DCUN1D2: variants seen among roughly 807,000 people sequenced by gnomAD.
DCUN1D2 encodes defective in cullin neddylation 1 domain containing 2, also known as DCN1-like protein 2.
In DCUN1D2, 29 loss-of-function variants were observed where a neutral mutation model predicts 30.9. The observed-to-expected ratio is 0.94, with a 90% CI of 0.70 to 1.28. DCUN1D2 has a LOEUF of 1.28. Among genes scored for constraint, DCUN1D2 ranks in the 50% most tolerant of loss-of-function variants. The pLI is 0.00. For synonymous variants in DCUN1D2, 121 were observed against 115.3 expected (o/e 1.05, Z -0.32); for missense variants, 325 against 316.9 (o/e 1.03, Z -0.19).
intron 4 of DCUN1D2, among the ~76,000 whole-genome samples, chr13:113,473,868 G>A (rs1033591605): frequency 6.6e-6 from 1 of 152,194 alleles, no homozygotes; most frequent in Non-Finnish European, 1.5e-5. Context: ...AGCCAGATGC[G>A]GTGGTGGACG....
At chr13:113,486,777 T>C (rs111972548) in intron 1 of DCUN1D2, among the ~76,000 whole-genome samples, 11 of 152,116 alleles carry the variant, frequency 7.2e-5, no homozygotes, top group African/African-American at 1.9e-4. Context: ...AAGGGGAAGG[T>C]AGAACTCAGA....
chr13:113,469,291 C>T (rs1028804715), intron 4 of DCUN1D2, among the ~76,000 whole-genome samples: 4 of 152,120 alleles, frequency 2.6e-5, no homozygotes, highest in African/African-American at 9.7e-5. Flanking sequence ...GATCAAATCC[C>T]ATACAATGCT....
intron 2 of DCUN1D2, among the ~76,000 whole-genome samples, chr13:113,481,709 C>G (rs1019829420): frequency 6.6e-6 from 1 of 151,942 alleles, no homozygotes; most frequent in Non-Finnish European, 1.5e-5. Flanking sequence ...CATGGCGAAA[C>G]CCCGTCTCTA....
chr13:113,481,865 CAA>C (rs60598722), intron 2 of DCUN1D2, among the ~76,000 whole-genome samples: 29 of 111,922 alleles, frequency 2.6e-4, no homozygotes, highest in Non-Finnish European at 3.2e-4. Flanking sequence ...GCCTGGGTGA[CAA>C]AAAAAAAAAA....
In DCUN1D2 at chr13:113,455,883, T is replaced by C. The variant is rs1356919866; in HGVS notation, c.*2146A>G. Reference sequence around the variant, plus strand: ...TCACAGCATGCAGGACTCAAATGGATACAACAGAAGAAAAAAACCCACAAT... The same window carrying C: ...TCACAGCATGCAGGACTCAAATGGACACAACAGAAGAAAAAAACCCACAAT... On this transcript the variant is annotated 3_prime_UTR_variant, in exon 7 of 7. Coordinates refer to ENST00000478244, the MANE Select transcript of DCUN1D2 (RefSeq NM_001014283.2). The C allele has an allele frequency of 4.6e-6, 1 of 216,860 alleles. No individual in the cohort carries two copies. Among genetic ancestry groups the C allele is most frequent in the South Asian group, 1.9e-4 (1 of 5,352 alleles). 13.4% of individuals were successfully genotyped at this position (216,860 alleles called of 1,614,324 possible).
At position 113,480,710 on chromosome 13, in the gene DCUN1D2, C is replaced by T. The variant is rs537179667; in HGVS notation, c.254G>A (p.Gly85Glu). The part of the protein sequence containing the change: ...PQDENKIGVD[G>E]IQQFCDDLSL... ...CAGATCATCACAAAACTGTTGAATCCCATCGACTCCAATTTTGTTTTCATC... is the reference window on the plus strand; with the variant it reads ...CAGATCATCACAAAACTGTTGAATCTCATCGACTCCAATTTTGTTTTCATC... The change falls in exon 3 of 7, where the codon GGG (glycine) becomes GAG (glutamate). Residue 85 changes from glycine to glutamate, a missense_variant. Gly to Glu is a moderately conservative substitution (Grantham distance 98). Transcript: ENST00000478244. 2.5e-6 allele frequency: 4 copies of T among 1,613,912 alleles called. No individual in the cohort carries two copies. Among genetic ancestry groups the T allele is most frequent in the Non-Finnish European group, 3.4e-6 (4 of 1,179,976 alleles).
chr13:113,466,082 T>G (rs2044398558), intron 4 of DCUN1D2, among the ~76,000 whole-genome samples: 1 of 152,142 alleles, frequency 6.6e-6, no homozygotes, highest in Non-Finnish European at 1.5e-5. Context: ...AGATGGGGAT[T>G]TGCCATGTTG....
In DCUN1D2 at chr13:113,456,383, C is replaced by A. The variant is rs893532977; in HGVS notation, c.*1646G>T. On this transcript the variant is annotated 3_prime_UTR_variant, in exon 7 of 7. Coordinates refer to ENST00000478244, the MANE Select transcript of DCUN1D2 (RefSeq NM_001014283.2). Reference sequence around the variant, plus strand: ...GTCCTGCAGCCTCCAAGCACACTAACCTCAGCCATCAGATGTTCCTGAAGC... The same window carrying A: ...GTCCTGCAGCCTCCAAGCACACTAAACTCAGCCATCAGATGTTCCTGAAGC... 6 of 398,796 alleles carry A rather than the reference C, an allele frequency of 1.5e-5. No individual in the cohort carries two copies. Among genetic ancestry groups the A allele is most frequent in the Non-Finnish European group, 2.7e-5 (6 of 226,282 alleles). 24.7% of individuals were successfully genotyped at this position (398,796 alleles called of 1,614,324 possible).
rs1160157061 is a variant in DCUN1D2 at position 113,462,024 on chromosome 13, G to A, written c.521-888C>T. Among the ~76,000 whole-genome samples the A allele has an allele frequency of 2.6e-5, 4 of 151,718 alleles. No individual in the cohort carries two copies. In the South Asian group the frequency reaches 6.3e-4, roughly 24 times the overall value. ...TCTCAGCACTTTGGGAGGCTGAGGC[G>A]GGTGGATCACCTGAGGTCAGGAGTT... On this transcript the variant is annotated intron_variant, in intron 4 of 6. Transcript: ENST00000478244.
intron 2 of DCUN1D2, 95 bp from the exon 3 acceptor site, chr13:113,480,838 A>G: frequency 3.1e-6 from 4 of 1,301,390 alleles, no homozygotes; most frequent in Non-Finnish European, 4.3e-6. Context: ...TATACTACAT[A>G]GTTCTAGCAA....
chr13:113,459,388 A>T lies in DCUN1D2; in HGVS notation c.624T>A (p.Ile208=). The T allele has an allele frequency of 6.3e-7, 1 of 1,586,688 alleles. No homozygotes were observed. The highest frequency in any genetic ancestry group is 1.1e-5 in the South Asian group (1 of 90,510). ...GCAGGAGGTTCCAGGTGTCCCTTGG[A>T]ATTGATCTTTTGTGATGTTCCTAAT... ...TFLMEHHKRS[I]PRDTWNLLLD... is the part of the protein sequence containing the mutation. Residue 208 remains isoleucine, a synonymous_variant, in exon 6 of 7, where the codon ATT becomes ATA. Coordinates refer to ENST00000478244, the MANE Select transcript of DCUN1D2 (RefSeq NM_001014283.2).
At chr13:113,477,175 C>A (rs1349682719) in intron 3 of DCUN1D2, among the ~76,000 whole-genome samples, 1 of 152,198 alleles carries the variant, frequency 6.6e-6, no homozygotes, top group Admixed American at 6.5e-5. Flanking sequence ...TACACATAAA[C>A]AAACCCACTA....
intron 4 of DCUN1D2, among the ~76,000 whole-genome samples, chr13:113,467,067 C>T (rs1289281674): frequency 6.6e-6 from 1 of 152,062 alleles, no homozygotes; most frequent in African/African-American, 2.4e-5. Context: ...CTCGGCCTCC[C>T]AAAGTGCTGG....
chr13:113,484,191 A>C, intron 1 of DCUN1D2, 135 bp from the exon 2 acceptor site: 1 of 1,461,962 alleles, frequency 6.8e-7, no homozygotes, highest in African/African-American at 1.4e-5. Context: ...AAGACTGCAC[A>C]GTCTTCTGAA....
At chr13:113,458,755 A>G (rs1038474453) in intron 6 of DCUN1D2, among the ~76,000 whole-genome samples, 11 of 152,308 alleles carry the variant, frequency 7.2e-5, no homozygotes, top group Non-Finnish European at 1.6e-4. Flanking sequence ...GGCCCAGAAC[A>G]GATCACTGCC....
intron 3 of DCUN1D2, among the ~76,000 whole-genome samples, chr13:113,476,705 T>C (rs1276474205): frequency 1.3e-5 from 2 of 152,248 alleles, no homozygotes; most frequent in East Asian, 1.9e-4. Flanking sequence ...TTTTTGTTGA[T>C]GTTTTAAAAA....
intron 3 of DCUN1D2, among the ~76,000 whole-genome samples, chr13:113,477,762 T>G (rs967962397): frequency 6.6e-6 from 1 of 151,950 alleles, no homozygotes; most frequent in Non-Finnish European, 1.5e-5. Flanking sequence ...TCTTATGCAC[T>G]GGGATGATCC....
intron 4 of DCUN1D2, chr13:113,462,655 A>C: frequency 1.4e-6 from 1 of 738,020 alleles, no homozygotes. Flanking sequence ...ATCAGTTTTG[A>C]ATACCCTGGA....
intron 4 of DCUN1D2, among the ~76,000 whole-genome samples, chr13:113,473,101 CCT>C (rs1298617830): frequency 6.8e-6 from 1 of 147,324 alleles, no homozygotes; most frequent in African/African-American, 2.5e-5. Context: ...GTCTCCTGTG[CCT>C]CTGTCCCTCT....
Sources: allele counts gnomAD v4.1 joint callset (sites outside exome capture counted in the v4.1 genomes callset), GRCh38; gene constraint gnomAD v4.1.1; transcripts MANE v1.5; gene names NCBI Gene and HGNC (gene_info 2026-07-23, HGNC 2026-07-21).